Variants in TRPC1 observed in about 807,000 individuals in gnomAD.
TRPC1 encodes the protein short transient receptor potential channel 1.
A neutral mutation model predicts 88.2 loss-of-function variants in TRPC1; 42 were observed. The ratio of observed to expected loss-of-function variants is 0.48; its 90% CI spans 0.37 to 0.62. TRPC1 has a LOEUF of 0.62. Among genes scored for constraint, TRPC1 ranks in the 20% least tolerant of loss-of-function variants. The pLI, the probability that TRPC1 is intolerant of heterozygous loss-of-function variation, is 0.00. For synonymous variants in TRPC1, 288 were observed against 331.8 expected (o/e 0.87, Z 1.43); for missense variants, 699 against 957.3 (o/e 0.73, Z 3.56).
At chr3:142,764,472 C>G (rs1935316099) in intron 4 of TRPC1, among the ~76,000 whole-genome samples, 1 of 152,046 alleles carries the variant, frequency 6.6e-6, no homozygotes, top group Admixed American at 6.5e-5. Context: ...TCTCAGCTTT[C>G]ATTTGTCTGG....
In TRPC1 at chr3:142,724,539, C is replaced by T. The variant is rs755701830; in HGVS notation, c.-21C>T. On this transcript the variant is annotated 5_prime_UTR_variant, in exon 1 of 13. Transcript: ENST00000476941. The surrounding 1 kb of genome is among the most constrained non-coding windows in gnomAD (Gnocchi z 5.6). ...GGGGGCCCCGCCCCCGTCTCCTGGC[C>T]TGCCCCCTTCATGGGCCGCGATGAT... 5.8e-6 allele frequency: 9 copies of T among 1,547,514 alleles called. No individual in the cohort carries two copies. In the African/African-American group the frequency reaches 1.2e-4, roughly 21 times the overall value.
At chr3:142,782,854 C>G (rs535798786) in intron 6 of TRPC1, among the ~76,000 whole-genome samples, 13 of 152,216 alleles carry the variant, frequency 8.5e-5, no homozygotes, top group Non-Finnish European at 1.8e-4. Flanking sequence ...CCTCTGTGTG[C>G]AGCCTGGGCT....
chr3:142,732,946 A>G lies in TRPC1; in HGVS notation c.173-3433A>G, dbSNP rs538186811. On this transcript the variant is annotated intron_variant, in intron 1 of 12. Transcript: ENST00000476941. ...TCTTTTTACATATATACTCATCCTA[A>G]AAATTAAGAGTGTTCTGGTCTTTTT... Among the ~76,000 whole-genome samples the G allele has an allele frequency of 2.7e-5, 4 of 149,556 alleles. No individual in the cohort carries two copies. The South Asian group carries it at 6.3e-4, about 23-fold the overall frequency.
intron 9 of TRPC1, among the ~76,000 whole-genome samples, chr3:142,800,999 AT>A (rs1278155407): frequency 5.9e-5 from 9 of 152,000 alleles, no homozygotes; most frequent in Non-Finnish European, 1.2e-4. Flanking sequence ...ACAATTTCTT[AT>A]GTAAACTTCC....
At chr3:142,768,057 T>G (rs1935458606) in intron 4 of TRPC1, among the ~76,000 whole-genome samples, 1 of 152,084 alleles carries the variant, frequency 6.6e-6, no homozygotes, top group Non-Finnish European at 1.5e-5. Flanking sequence ...TTGGAGAATG[T>G]GCTTTGTATG....
chr3:142,760,410 G>A (rs1935143372), intron 4 of TRPC1, among the ~76,000 whole-genome samples: 1 of 152,016 alleles, frequency 6.6e-6, no homozygotes, highest in African/African-American at 2.4e-5. Context: ...GGACTTATAT[G>A]TGGGTCTGTA....
intron 7 of TRPC1, among the ~76,000 whole-genome samples, chr3:142,786,820 C>G (rs1936148310): frequency 6.6e-6 from 1 of 152,058 alleles, no homozygotes; most frequent in Non-Finnish European, 1.5e-5. Context: ...TTATCTATAA[C>G]CTATTGTTTA....
At chr3:142,734,727 C>A (rs1055590727) in intron 1 of TRPC1, among the ~76,000 whole-genome samples, 1 of 151,706 alleles carries the variant, frequency 6.6e-6, no homozygotes, top group African/African-American at 2.4e-5. Flanking sequence ...TGCTTGAGGC[C>A]AGGAATTTGA....
chr3:142,769,251 A>G (rs1397827481), intron 4 of TRPC1, among the ~76,000 whole-genome samples: 2 of 152,178 alleles, frequency 1.3e-5, no homozygotes, highest in African/African-American at 4.8e-5. Context: ...CAATTTTAAA[A>G]CATTTTTATC....
At chr3:142,805,482 C>T (rs1161322851) in intron 12 of TRPC1, among the ~76,000 whole-genome samples, 2 of 133,180 alleles carry the variant, frequency 1.5e-5, no homozygotes, top group Non-Finnish European at 3.0e-5. Context: ...ATATTGTAAG[C>T]AGTGATACAG....
chr3:142,778,199 C>T (rs1221019042), intron 5 of TRPC1, among the ~76,000 whole-genome samples: 1 of 152,164 alleles, frequency 6.6e-6, no homozygotes, highest in African/African-American at 2.4e-5. Context: ...ATGTCAAGGA[C>T]ATTCCACACA....
At chr3:142,795,702 TAC>T (rs1936429628) in intron 9 of TRPC1, among the ~76,000 whole-genome samples, 1 of 152,004 alleles carries the variant, frequency 6.6e-6, no homozygotes, top group Non-Finnish European at 1.5e-5. Context: ...ACACCAGCAC[TAC>T]AAGGAACGTT....
chr3:142,802,714 A>T (rs1205107375), intron 10 of TRPC1, among the ~76,000 whole-genome samples: 2 of 152,198 alleles, frequency 1.3e-5, no homozygotes, highest in Admixed American at 1.3e-4. Context: ...TCATTGTTAC[A>T]GCCAAAAACG....
At chr3:142,725,217 T>C (rs759321185) in intron 1 of TRPC1, among the ~76,000 whole-genome samples, 6 of 152,224 alleles carry the variant, frequency 3.9e-5, no homozygotes, top group Non-Finnish European at 8.8e-5. Context: ...CCAGACCCTC[T>C]ATTATTTAGC....
chr3:142,790,984 A>G, intron 7 of TRPC1, 35 bp from the exon 8 acceptor site: 1 of 1,497,400 alleles, frequency 6.7e-7, no homozygotes, highest in Non-Finnish European at 8.9e-7. Flanking sequence ...TTGAATTAAG[A>G]AAGTGTTATC....
chr3:142,780,229 A>G (rs574028993), intron 5 of TRPC1, among the ~76,000 whole-genome samples: 2 of 152,350 alleles, frequency 1.3e-5, no homozygotes, highest in Admixed American at 1.3e-4. Flanking sequence ...TTTAATAAGC[A>G]GTTCAAACCC....
At position 142,769,399 on chromosome 3, in the gene TRPC1, C is replaced by T. The variant is rs1347992342; in HGVS notation, c.633-8233C>T. On this transcript the variant is annotated intron_variant, in intron 4 of 12. Transcript: ENST00000476941. ...TTTGAAATGGGGTCTTTCAGTGTTG[C>T]GCAGGCTGGTCTTGAACTACTGGCC... is the stretch of plus-strand genomic sequence containing the variant. Among the ~76,000 whole-genome samples, 4 of 152,126 alleles carry T rather than the reference C, an allele frequency of 2.6e-5. No homozygotes were observed. The South Asian group carries it at 6.2e-4, about 24-fold the overall frequency.
chr3:142,740,934 G>T (rs1345190434), intron 2 of TRPC1, among the ~76,000 whole-genome samples: 1 of 152,152 alleles, frequency 6.6e-6, no homozygotes, highest in Non-Finnish European at 1.5e-5. Flanking sequence ...AAGGACCAGG[G>T]TTCTAAAGAT....
chr3:142,761,487 A>G (rs1485199237), intron 4 of TRPC1, among the ~76,000 whole-genome samples: 2 of 152,090 alleles, frequency 1.3e-5, no homozygotes, highest in East Asian at 3.8e-4. Context: ...TTTTGCATCT[A>G]TGTTCATATT....
Sources: allele counts gnomAD v4.1 joint callset (sites outside exome capture counted in the v4.1 genomes callset), GRCh38; gene constraint gnomAD v4.1.1; non-coding constraint Gnocchi (gnomAD v3.1); transcripts MANE v1.5; gene names NCBI Gene and HGNC (gene_info 2026-07-23, HGNC 2026-07-21).